The following ANO4 variants were observed in gnomAD, a reference collection of about 807,000 sequenced individuals.
The protein encoded by ANO4 is anoctamin-4.
Under a neutral mutation model 141.9 loss-of-function variants are expected in ANO4, and 69 were observed. That is an observed-to-expected ratio of 0.49 (90% confidence interval 0.40 to 0.59). The LOEUF (loss-of-function observed/expected upper bound fraction) is 0.59, where lower values mean the gene tolerates loss of function less well. ANO4 is among the 20% of genes least tolerant of loss of function. ANO4 has a pLI of 0.00. For synonymous variants in ANO4, 350 were observed against 394.3 expected, an observed-to-expected ratio of 0.89 and a Z score of 1.33; for missense variants, 894 against 1,162.2, an observed-to-expected ratio of 0.77 and a Z score of 3.36.
At chr12:100,946,036 A>G (rs2042706468) in intron 5 of ANO4, among the ~76,000 whole-genome samples, 2 of 152,246 alleles carry the variant, frequency 1.3e-5, no homozygotes, top group South Asian at 4.1e-4. Context: ...TTGCAATTTT[A>G]TAAAAGTCAG....
chr12:100,866,469 C>A (rs1262201569), intron 1 of ANO4, among the ~76,000 whole-genome samples: 1 of 152,196 alleles, frequency 6.6e-6, no homozygotes, highest in Non-Finnish European at 1.5e-5. Flanking sequence ...CCCCTGCCCC[C>A]ACCTTTTTGG....
chr12:100,864,575 C>T (rs1362135136), intron 1 of ANO4, among the ~76,000 whole-genome samples: 1 of 152,136 alleles, frequency 6.6e-6, no homozygotes, highest in Non-Finnish European at 1.5e-5. Context: ...CCTCTTCAGC[C>T]TCTCACTCAC....
chr12:101,106,891 G>GAAAA (rs11389258), intron 22 of ANO4, among the ~76,000 whole-genome samples: 1 of 146,472 alleles, frequency 6.8e-6, no homozygotes, highest in African/African-American at 2.5e-5. Flanking sequence ...CTCTTCCCTT[G>GAAAA]AAAAAAAAAA....
At chr12:101,086,251 C>CTTTG (rs1303236467) in intron 16 of ANO4, among the ~76,000 whole-genome samples, 1 of 151,826 alleles carries the variant, frequency 6.6e-6, no homozygotes, top group Non-Finnish European at 1.5e-5. Context: ...AGAATGGTGC[C>CTTTG]CAAAGGGGCT....
chr12:100,816,561 A>G (rs1316256062), intron 1 of ANO4, among the ~76,000 whole-genome samples: 2 of 152,012 alleles, frequency 1.3e-5, no homozygotes, highest in East Asian at 3.9e-4. Context: ...TAGACACTAG[A>G]TTAGACTAGA....
intron 10 of ANO4, chr12:101,038,904 G>A (rs1450512541): frequency 6.6e-6 from 1 of 151,610 alleles, no homozygotes; most frequent in African/African-American, 2.4e-5. Context: ...TTGAGACATT[G>A]TCTCTAGCAA....
At chr12:100,770,912 T>C (rs563690141) in intron 3 of ANO4, among the ~76,000 whole-genome samples, 3 of 151,664 alleles carry the variant, frequency 2.0e-5, no homozygotes, top group South Asian at 2.1e-4. Flanking sequence ...TAGAACACAG[T>C]TGGGAAGATG....
At chr12:100,734,165 G>C (rs2031510140) in intron 2 of ANO4, among the ~76,000 whole-genome samples, 1 of 152,186 alleles carries the variant, frequency 6.6e-6, no homozygotes, top group African/African-American at 2.4e-5. Flanking sequence ...GCACTTGATA[G>C]TACAATCGAA....
At chr12:100,730,594 C>T (rs969077960) in intron 1 of ANO4, among the ~76,000 whole-genome samples, 4 of 152,118 alleles carry the variant, frequency 2.6e-5, no homozygotes, top group African/African-American at 9.7e-5. Flanking sequence ...TACCTTATGC[C>T]AGCCACAGCA....
At chr12:101,092,666 T>C (rs1300869470) in intron 17 of ANO4, among the ~76,000 whole-genome samples, 7 of 152,208 alleles carry the variant, frequency 4.6e-5, no homozygotes, top group Non-Finnish European at 1.0e-4. Context: ...CCCTGTATGC[T>C]TTACCTTATT....
At chr12:101,092,902 T>C (rs1448631840) in intron 17 of ANO4, among the ~76,000 whole-genome samples, 1 of 150,622 alleles carries the variant, frequency 6.6e-6, no homozygotes, top group Non-Finnish European at 1.5e-5. Flanking sequence ...GGTTGTCTCA[T>C]CAGTCAAATT....
At chr12:101,043,418 G>A in intron 12 of ANO4, 121 bp from the exon 13 acceptor site, 1 of 665,376 alleles carries the variant, frequency 1.5e-6, no homozygotes, top group Non-Finnish European at 2.6e-6. Flanking sequence ...ATAAAGCTAA[G>A]ATGCTTCTAA....
chr12:100,805,284 T>C (rs1473747635), intron 1 of ANO4, among the ~76,000 whole-genome samples: 2 of 152,140 alleles, frequency 1.3e-5, no homozygotes, highest in Non-Finnish European at 2.9e-5. Context: ...ATTTCTGAGT[T>C]CTCTATTCTG....
intron 8 of ANO4, among the ~76,000 whole-genome samples, chr12:101,012,821 A>G (rs1195187847): frequency 6.6e-6 from 1 of 152,132 alleles, no homozygotes; most frequent in Non-Finnish European, 1.5e-5. Flanking sequence ...AGGGTGAGAA[A>G]GGGTCAGATT....
chr12:101,098,602 C>A (rs1429276440), intron 21 of ANO4, among the ~76,000 whole-genome samples: 2 of 152,104 alleles, frequency 1.3e-5, no homozygotes, highest in African/African-American at 4.8e-5. Context: ...TCTGTCAGAA[C>A]CAAAGCCAGT....
At chr12:100,806,533 TTTTTTTTTTTTTTTTTTTTTTTTTTTTG>T (rs2035054958) in intron 1 of ANO4, among the ~76,000 whole-genome samples, 1 of 35,908 alleles carries the variant, frequency 2.8e-5, no homozygotes, top group African/African-American at 1.7e-4. Context: ...CGTTTTTTTT[TTTTTTTTTTTTTTTTTTTTTTTTTTTTG>T]TGAGACAGAG....
intron 8 of ANO4, among the ~76,000 whole-genome samples, chr12:101,010,898 T>C (rs34741810): frequency 0.072 from 11,026 of 152,306 alleles, 558 homozygotes; most frequent in East Asian, 0.11. Context: ...ATTATTCTTT[T>C]GTTTTAGCAA....
At chr12:100,723,475 C>G (rs11110493) in intron 1 of ANO4, among the ~76,000 whole-genome samples, 19,560 of 152,040 alleles carry the variant, frequency 0.13, 1,401 homozygotes, top group East Asian at 0.25. Context: ...TATAAGGGAA[C>G]TAATCCCATC....
upstream of ANO4, among the ~76,000 whole-genome samples, chr12:100,792,773 G>A (rs79605553): frequency 8.8e-4 from 134 of 152,254 alleles, 3 homozygotes; most frequent in East Asian, 0.019. Context: ...TTCATCAACA[G>A]TATTAATCTC....
Sources: gnomAD v4.1 joint callset for allele counts (sites outside exome capture counted in the v4.1 genomes callset) on GRCh38, gnomAD v4.1.1 for gene constraint, MANE v1.5 for transcripts, NCBI Gene and HGNC (gene_info 2026-07-23, HGNC 2026-07-21) for gene names.